Variants in ATP8A1 observed in about 807,000 individuals in gnomAD.
The protein encoded by ATP8A1 is phospholipid-transporting ATPase IA.
In ATP8A1, 90 loss-of-function variants were observed where a neutral mutation model predicts 177.7. That is an observed-to-expected ratio of 0.51 (90% CI 0.43 to 0.60). The LOEUF (loss-of-function observed/expected upper bound fraction) is 0.60. Ranked by LOEUF, ATP8A1 falls within the 20% of genes least tolerant of loss-of-function variation. The pLI is 0.00. For missense variants in ATP8A1, 1,072 were observed against 1,392.8 expected (o/e 0.77, Z 3.67); for synonymous variants, 493 against 485.9 (o/e 1.01, Z -0.19).
intron 27 of ATP8A1, chr4:42,459,580 G>A (rs1718865248): frequency 7.5e-6 from 2 of 266,268 alleles, no homozygotes; most frequent in African/African-American, 2.3e-5. Flanking sequence ...ATATAGAAGG[G>A]ATTGAGAATA....
At chr4:42,564,677 G>T (rs1731179786) in intron 15 of ATP8A1, among the ~76,000 whole-genome samples, 1 of 152,194 alleles carries the variant, frequency 6.6e-6, no homozygotes, top group Non-Finnish European at 1.5e-5. Context: ...GATTTTACAG[G>T]CTCATAGGCA....
At chr4:42,483,704 T>C (rs1721923083) in intron 25 of ATP8A1, among the ~76,000 whole-genome samples, 1 of 152,192 alleles carries the variant, frequency 6.6e-6, no homozygotes, top group Admixed American at 6.5e-5. Flanking sequence ...TTGTTTAATT[T>C]TGTGGTTCGA....
intron 20 of ATP8A1, among the ~76,000 whole-genome samples, chr4:42,537,004 C>T (rs1267539883): frequency 7.9e-5 from 12 of 151,712 alleles, no homozygotes; most frequent in Admixed American, 7.2e-4. Flanking sequence ...TGGTGGTGCA[C>T]GCCTGTAATC....
chr4:42,462,169 A>T (rs1560350834), intron 27 of ATP8A1, among the ~76,000 whole-genome samples: 1 of 152,260 alleles, frequency 6.6e-6, no homozygotes, highest in Non-Finnish European at 1.5e-5. Context: ...TTTTCTGAGG[A>T]GAAATGGAAG....
intron 33 of ATP8A1, among the ~76,000 whole-genome samples, chr4:42,442,261 G>A (rs975349804): frequency 6.6e-6 from 1 of 152,198 alleles, no homozygotes; most frequent in African/African-American, 2.4e-5. Flanking sequence ...AAGATATCAA[G>A]TTAAAATCGA....
intron 5 of ATP8A1, among the ~76,000 whole-genome samples, chr4:42,609,717 CCTTT>C (rs1736181235): frequency 6.6e-6 from 1 of 152,072 alleles, no homozygotes; most frequent in Non-Finnish European, 1.5e-5. Flanking sequence ...TGTGTGCTTT[CCTTT>C]GTCTTCTACT....
At chr4:42,656,499 CT>C (rs1741637322) in intron 1 of ATP8A1, among the ~76,000 whole-genome samples, 1 of 151,716 alleles carries the variant, frequency 6.6e-6, no homozygotes, top group South Asian at 2.1e-4. Context: ...GGCTGGGGAT[CT>C]GCTGAGTGGA....
chr4:42,542,817 C>T (rs1321126293), intron 20 of ATP8A1, among the ~76,000 whole-genome samples: 4 of 151,790 alleles, frequency 2.6e-5, no homozygotes, highest in South Asian at 4.2e-4. Flanking sequence ...GTGTTAAAGT[C>T]TCTCTTTATT....
rs1203067038 is a variant in ATP8A1, at chr4:42,510,990, A to T, written c.1948-3836T>A. 2.0e-5 allele frequency among the ~76,000 whole-genome samples: 3 copies of T among 152,234 alleles called. No individual in the cohort carries two copies. In the East Asian group the frequency reaches 5.8e-4, roughly 29 times the overall value. ...GCTTTAACACAAATCCTTAAGAAGA[A>T]TAATAAAACATTTCGGAATATTCAG... On this transcript the variant is annotated intron_variant, in intron 22 of 36. Coordinates refer to ENST00000381668, the MANE Select transcript of ATP8A1 (RefSeq NM_006095.2).
chr4:42,438,831 T>C (rs552347660), intron 33 of ATP8A1, among the ~76,000 whole-genome samples: 1 of 152,324 alleles, frequency 6.6e-6, no homozygotes, highest in South Asian at 2.1e-4. Context: ...TCTGGGTCAC[T>C]GGCTATTTCT....
rs903240041 is a variant in ATP8A1, at chr4:42,614,422, T to C, written c.409+1611A>G. The stretch of plus-strand genomic sequence containing the variant: ...ATATTCTGAGCAATACGGCAACAAA[T>C]GCAAAAACTGCATATTGCCAAAAAT... On this transcript the variant is annotated intron_variant, in intron 5 of 36. Transcript: ENST00000381668. 7.2e-5 allele frequency among the ~76,000 whole-genome samples: 11 copies of C among 152,350 alleles called. No individual in the cohort carries two copies. In the East Asian group the frequency reaches 1.5e-3, roughly 21 times the overall value.
rs1459032502 is a variant in ATP8A1, at chr4:42,507,019, T to C, written c.2083A>G (p.Ile695Val). The change falls in exon 23 of 37, where the codon ATC (isoleucine) becomes GTC (valine). Residue 695 changes from isoleucine to valine, a missense_variant. Physicochemically the swap from Ile to Val is conservative, Grantham distance 29. Around this residue, in one of 5 missense-constraint regions of ATP8A1, gnomAD observed 388 missense variants for 471.7 expected, o/e 0.82. Transcript: ENST00000381668. ...TGDKQETAIN[I>V]GHSCKLLKKN... ...AAATGTGAACTAGGTGAATTACCGA[T>C]GTTAATGGCAGTTTCTTGCTTGTCC... 26 of 1,613,120 alleles carry C rather than the reference T, an allele frequency of 1.6e-5. No homozygotes were observed. Among genetic ancestry groups the C allele is most frequent in the Non-Finnish European group, 2.2e-5 (26 of 1,179,758 alleles).
intron 35 of ATP8A1, among the ~76,000 whole-genome samples, chr4:42,419,522 C>T (rs1220123213): frequency 6.6e-6 from 1 of 152,098 alleles, no homozygotes; most frequent in Non-Finnish European, 1.5e-5. Flanking sequence ...ATTGAATCTA[C>T]ATTGGGTTTG....
chr4:42,551,500 A>G (rs1236134548), intron 17 of ATP8A1, among the ~76,000 whole-genome samples: 1 of 152,234 alleles, frequency 6.6e-6, no homozygotes, highest in Non-Finnish European at 1.5e-5. Context: ...TCAGAGTTAC[A>G]TTTCCGAAAT....
intron 34 of ATP8A1, 53 bp downstream of exon 34, chr4:42,423,564 T>G: frequency 7.8e-7 from 1 of 1,275,116 alleles, no homozygotes; most frequent in East Asian, 2.4e-5. Context: ...GAGAGAAATC[T>G]GAGGATGAAT....
At chr4:42,652,358 C>A (rs1031156522) in intron 1 of ATP8A1, among the ~76,000 whole-genome samples, 4 of 152,112 alleles carry the variant, frequency 2.6e-5, no homozygotes, top group African/African-American at 9.7e-5. Flanking sequence ...TCTTCACAAG[C>A]CAGCCCAATA....
chr4:42,562,745 G>A (rs1274624839), intron 15 of ATP8A1, among the ~76,000 whole-genome samples: 2 of 152,150 alleles, frequency 1.3e-5, no homozygotes, highest in Non-Finnish European at 2.9e-5. Flanking sequence ...CTGTTCTCGT[G>A]ACAGTGAATA....
chr4:42,498,604 A>G (rs1252376402), intron 24 of ATP8A1, among the ~76,000 whole-genome samples: 1 of 152,210 alleles, frequency 6.6e-6, no homozygotes, highest in East Asian at 1.9e-4. Flanking sequence ...TAAGTAGAGA[A>G]CTTTAAGTAA....
intron 1 of ATP8A1, among the ~76,000 whole-genome samples, chr4:42,650,611 C>T (rs1740992067): frequency 1.3e-5 from 2 of 152,318 alleles, no homozygotes; most frequent in African/African-American, 2.4e-5. Flanking sequence ...TAGTTACAAA[C>T]ATTTTAGAGT....
Sources: allele counts gnomAD v4.1 joint callset (sites outside exome capture counted in the v4.1 genomes callset), GRCh38; gene constraint gnomAD v4.1.1; regional missense constraint gnomAD v4.1.1; transcripts MANE v1.5; gene names NCBI Gene and HGNC (gene_info 2026-07-23, HGNC 2026-07-21).